AMDHD2: variants seen among roughly 807,000 people sequenced by gnomAD.
AMDHD2 encodes the protein N-acetylglucosamine-6-phosphate deacetylase.
A neutral mutation model predicts 41.8 loss-of-function variants in AMDHD2; 24 were observed. The observed-to-expected ratio is 0.57, with a 90% CI of 0.42 to 0.81. The LOEUF is 0.81. Among genes scored for constraint, AMDHD2 ranks in the 30% least tolerant of loss-of-function variants. The probability of loss-of-function intolerance (pLI) is 0.00; values close to 1 mark genes in which losing one functional copy is unlikely to be tolerated. For missense variants in AMDHD2, 540 were observed against 588.5 expected (o/e 0.92, Z 0.85); for synonymous variants, 332 against 255.5 (o/e 1.30, Z -2.85).
chr16:2,531,173 C>T lies in AMDHD2; in HGVS notation c.*1610C>T. ...CCCTGGGCCAGCCTTTGGGCCTGGC[C>T]TGCCCCATTCACCGGCCAGCGCCCC... is the stretch of plus-strand genomic sequence containing the variant. On this transcript the variant is annotated 3_prime_UTR_variant, in exon 11 of 11. Transcript: ENST00000293971. The T allele has an allele frequency of 6.9e-7, 1 of 1,449,190 alleles. No homozygotes were observed. Among genetic ancestry groups the T allele is most frequent in the East Asian group, 2.3e-5 (1 of 42,660 alleles). The allele number at this position is 1,449,190 out of a possible 1,614,324, so 89.8% of individuals were successfully genotyped here. A position where few individuals can be genotyped will look rare whatever the true frequency, so the allele number is the denominator to read the frequency against.
In AMDHD2 at chr16:2,530,977, C is replaced by G. The variant is rs765769029; in HGVS notation, c.*1414C>G. The G allele has an allele frequency of 3.7e-5, 60 of 1,613,350 alleles. No individual in the cohort carries two copies. Among genetic ancestry groups the G allele is most frequent in the Non-Finnish European group, 4.9e-5 (58 of 1,179,910 alleles). On this transcript the variant is annotated 3_prime_UTR_variant, in exon 11 of 11. Transcript: ENST00000293971. ...AGAGGAGCTGTCTTGCCAGGGCTCC[C>G]AGGCAGGGAGAGGCAGGTGAGGTTC...
At chr16:2,522,899 A>C (rs1170994332) in intron 3 of AMDHD2, among the ~76,000 whole-genome samples, 5 of 145,178 alleles carry the variant, frequency 3.4e-5, no homozygotes, top group African/African-American at 5.2e-5. Context: ...GCTGGAGTGC[A>C]GTGGTGCGAT....
chr16:2,527,818 C>T lies in AMDHD2; in HGVS notation c.461C>T (p.Ala154Val), dbSNP rs763136137. 24 of 1,591,180 alleles carry T rather than the reference C, an allele frequency of 1.5e-5. No homozygotes were observed. Among genetic ancestry groups the T allele is most frequent in the East Asian group, 2.2e-5 (1 of 44,660 alleles). ...GPFISREKRG[A>V]HPEAHLRSFE... is the part of the protein sequence containing the mutation. ...TTCATCAGCCGGGAGAAGCGGGGCG[C>T]GCACCCCGAGGCCCACCTCCGCTCC... Residue 154 changes from alanine to valine, a missense_variant, in exon 5 of 11, where the codon GCG becomes GTG. By Grantham distance (64) the Ala-to-Val change is moderately conservative. Transcript: ENST00000293971. The surrounding 1 kb of genome is among the most constrained non-coding windows in gnomAD (Gnocchi z 6.1).
At chr16:2,520,962 A>T (rs1242149219) in intron 2 of AMDHD2, 22 bp from the exon 3 acceptor site, 3 of 1,596,272 alleles carry the variant, frequency 1.9e-6, no homozygotes, top group Non-Finnish European at 2.6e-6. Flanking sequence ...TCCATGCGAC[A>T]CTTCCTTTTC....
chr16:2,524,441 A>G (rs1255323912), intron 3 of AMDHD2, among the ~76,000 whole-genome samples: 1 of 151,560 alleles, frequency 6.6e-6, no homozygotes, highest in Non-Finnish European at 1.5e-5. Context: ...CTACACTTTG[A>G]CCTTTCCGGC....
At chr16:2,525,705 C>G (rs1001903669) in intron 3 of AMDHD2, among the ~76,000 whole-genome samples, 1 of 152,130 alleles carries the variant, frequency 6.6e-6, no homozygotes, top group Non-Finnish European at 1.5e-5. Context: ...CCACCACGCA[C>G]GGCTAATTTT....
chr16:2,528,523 G>A lies in AMDHD2; in HGVS notation c.934G>A (p.Glu312Lys), dbSNP rs2066038813. 1 of 1,612,694 alleles carries A rather than the reference G, an allele frequency of 6.2e-7. No homozygotes were observed. Among genetic ancestry groups the A allele is most frequent in the Non-Finnish European group, 8.5e-7 (1 of 1,179,926 alleles). Reference sequence around the variant, plus strand: ...CGGCCGGCACACGCTGGGACAGCAGGAAGTGGAAGTGGACGGTCTGACGGC... The same window carrying A: ...CGGCCGGCACACGCTGGGACAGCAGAAAGTGGAAGTGGACGGTCTGACGGC... ...GNGRHTLGQQ[E>K]VEVDGLTAYV... Residue 312 changes from glutamate to lysine, a missense_variant, in exon 8 of 11, where the codon GAA (glutamate) becomes AAA (lysine). Glu to Lys is a moderately conservative substitution (Grantham distance 56). Transcript: ENST00000293971.
In AMDHD2 at chr16:2,527,322, C is replaced by T. The variant is rs552031278; in HGVS notation, c.361-239C>T. 1.3e-5 allele frequency among the ~76,000 whole-genome samples: 2 copies of T among 152,360 alleles called. No individual in the cohort carries two copies. The highest frequency in any genetic ancestry group is 4.8e-5 in the African/African-American group (2 of 41,594). ...AGGGCCACCCTCAGTGCCCACAAGC[C>T]TGCCCACATGGCCAGGGACCGCTGG... is the stretch of plus-strand genomic sequence containing the variant. On this transcript the variant is annotated intron_variant, in intron 3 of 10. Transcript: ENST00000293971. This position sits in a 1 kb window ranked among gnomAD's most constrained non-coding sequence, Gnocchi z 6.1.
intron 1 of AMDHD2, 43 bp downstream of exon 1, chr16:2,520,584 G>T (rs746633507): frequency 1.7e-6 from 2 of 1,197,980 alleles, no homozygotes; most frequent in Non-Finnish European, 1.0e-6. Flanking sequence ...ACCGGGCGGG[G>T]TGCAGGGTGC....
In AMDHD2 at chr16:2,528,106, C is replaced by A; in HGVS notation, c.675C>A (p.Ser225Arg). Residue 225 changes from serine to arginine, a missense_variant, in exon 6 of 11, where the codon AGC becomes AGA. By Grantham distance (110) the Ser-to-Arg change is moderately radical. Transcript: ENST00000293971. ...GGGCGGCAGAGGATGCTGTGTGGAG[C>A]GGAGCCACCTTCATCACCCACCTCT... ...DLRAAEDAVW[S>R]GATFITHLFN... The A allele has an allele frequency of 1.2e-6, 2 of 1,613,056 alleles. No homozygotes were observed. Among genetic ancestry groups the A allele is most frequent in the Non-Finnish European group, 1.7e-6 (2 of 1,179,858 alleles).
At position 2,530,741 on chromosome 16, in the gene AMDHD2, TGGGCAGGGCCTCGCCTGAGGGAGGGCCTG is replaced by T. The variant is rs747325493; in HGVS notation, c.*1188_*1216del. On this transcript the variant is annotated 3_prime_UTR_variant, in exon 11 of 11. Coordinates refer to ENST00000293971, the MANE Select transcript of AMDHD2 (RefSeq NM_001330449.2). ...AACAGCCAGGGAAGAACCACCTGCC[TGGGCAGGGCCTCGCCTGAGGGAGGGCCTG>T]GGGCAGGGCACAAGGGGTTGATCTC... 71 of 1,613,816 alleles carry T rather than the reference TGGGCAGGGCCTCGCCTGAGGGAGGGCCTG, an allele frequency of 4.4e-5. No individual in the cohort carries two copies. Among genetic ancestry groups the T allele is most frequent in the Non-Finnish European group, 6.0e-5 (71 of 1,179,978 alleles).
chr16:2,525,806 G>C (rs2065996703), intron 3 of AMDHD2, among the ~76,000 whole-genome samples: 1 of 152,128 alleles, frequency 6.6e-6, no homozygotes, highest in South Asian at 2.1e-4. Flanking sequence ...GGCCTCCCCA[G>C]GTGCTGGGAT....
Position 2,528,639 on chromosome 16 carries a change from C to G in AMDHD2, c.971-11C>G, listed in dbSNP as rs771115099. ...ACGACCCCCCCAGAGCCTGCCCTCT[C>G]TGCTCTCAAGGCACCAAGACGCTGA... On this transcript the variant is annotated splice_polypyrimidine_tract_variant and intron_variant, in intron 8 of 10. Transcript: ENST00000293971. The G allele has an allele frequency of 6.2e-7, 1 of 1,613,060 alleles. No individual in the cohort carries two copies. The highest frequency in any genetic ancestry group is 8.5e-7 in the Non-Finnish European group (1 of 1,179,942).
In AMDHD2 at chr16:2,530,875, G is replaced by GGT; in HGVS notation, c.*1313_*1314insTG. 1 of 1,613,602 alleles carries GGT rather than the reference G, an allele frequency of 6.2e-7. No individual in the cohort carries two copies. Among genetic ancestry groups the GGT allele is most frequent in the Non-Finnish European group, 8.5e-7 (1 of 1,180,002 alleles). ...ACCTCCTGAGAGGTGTGAGGTGCAG[G>GGT]GATACCCACCTCTGCCTTGACGGCC... is the stretch of plus-strand genomic sequence containing the variant. On this transcript the variant is annotated 3_prime_UTR_variant, in exon 11 of 11. Transcript: ENST00000293971.
chr16:2,525,656 T>C (rs1406188493), intron 3 of AMDHD2, among the ~76,000 whole-genome samples: 1 of 152,216 alleles, frequency 6.6e-6, no homozygotes, highest in Non-Finnish European at 1.5e-5. Flanking sequence ...GCCATTCTCC[T>C]ACCTCAGCCT....
At position 2,520,788 on chromosome 16, in the gene AMDHD2, G is replaced by A; in HGVS notation, c.103G>A (p.Gly35Arg). 5 of 1,604,136 alleles carry A rather than the reference G, an allele frequency of 3.1e-6. No individual in the cohort carries two copies. In the South Asian group the frequency reaches 5.5e-5, roughly 18 times the overall value. Residue 35 changes from glycine (G) to arginine (R), a missense_variant, in exon 2 of 11, where the codon GGA (glycine) becomes AGA (arginine). Transcript: ENST00000293971. ...KLLREDLWVR[G>R]GRILDPEKLF... ...CCCCAGGGAGGATCTGTGGGTGCGC[G>A]GAGGCCGCATCTTGGACCCAGAGAA...
chr16:2,524,898 G>T (rs1351275531), intron 3 of AMDHD2, among the ~76,000 whole-genome samples: 2 of 151,738 alleles, frequency 1.3e-5, no homozygotes, highest in East Asian at 3.9e-4. Context: ...GAGAATACCT[G>T]TGTAGGTCAG....
chr16:2,521,958 G>A (rs1347917904), intron 3 of AMDHD2, among the ~76,000 whole-genome samples: 2 of 151,700 alleles, frequency 1.3e-5, no homozygotes, highest in Non-Finnish European at 2.9e-5. Context: ...CTAATTTTTT[G>A]TATTTTTCGT....
At chr16:2,528,830 G>A in intron 9 of AMDHD2, 112 bp downstream of exon 9, 2 of 1,560,696 alleles carry the variant, frequency 1.3e-6, no homozygotes, top group Non-Finnish European at 1.7e-6. Context: ...GAGCTCCTGG[G>A]CATTGGGTAC....
Sources: gnomAD v4.1 joint callset for allele counts (sites outside exome capture counted in the v4.1 genomes callset) on GRCh38, gnomAD v4.1.1 for gene constraint, Gnocchi (gnomAD v3.1) non-coding constraint, MANE v1.5 for transcripts, NCBI Gene and HGNC (gene_info 2026-07-23, HGNC 2026-07-21) for gene names.